The following TRIM11 variants were observed in gnomAD, a reference collection of about 807,000 sequenced individuals.
TRIM11 encodes tripartite motif containing 11, also known as E3 ubiquitin-protein ligase TRIM11.
A neutral mutation model predicts 33.4 loss-of-function variants in TRIM11; 15 were observed. The observed-to-expected ratio is 0.45, with a 90% CI of 0.30 to 0.69. The LOEUF is 0.69. Among genes scored for constraint, TRIM11 ranks in the 30% least tolerant of loss-of-function variants. TRIM11 has a pLI of 0.08. For synonymous variants in TRIM11, 281 were observed against 302.6 expected (o/e 0.93, Z 0.74); for missense variants, 499 against 667.6 (o/e 0.75, Z 2.78).
At chr1:228,396,536 T>G (rs991746865) in intron 5 of TRIM11, 1 of 613,716 alleles carries the variant, frequency 1.6e-6, no homozygotes, top group African/African-American at 1.8e-5. Flanking sequence ...TTCCATGGGC[T>G]GTGCTAGCGA....
At chr1:228,398,864 C>A (rs560120812) in intron 3 of TRIM11, among the ~76,000 whole-genome samples, 5 of 152,178 alleles carry the variant, frequency 3.3e-5, no homozygotes, top group African/African-American at 9.6e-5. Flanking sequence ...AGGCCGGGTG[C>A]AGGGGCGGCA....
chr1:228,395,121 C>T lies in TRIM11; in HGVS notation c.991G>A (p.Val331Met), dbSNP rs1405802627. 4.4e-6 allele frequency: 7 copies of T among 1,585,008 alleles called. No individual in the cohort carries two copies. The highest frequency in any genetic ancestry group is 2.2e-5 in the East Asian group (1 of 44,592). Reference protein sequence around the residue: ...SPERFDPGPCVLGQERFTSGR... With the variant: ...SPERFDPGPCMLGQERFTSGR... ...GAGGTGAAGCGCTCCTGGCCCAGCA[C>T]GCAGGGGCCGGGGTCAAAGCGCTCT... Residue 331 changes from valine (V) to methionine (M), a missense_variant, in exon 6 of 6, where the codon GTG becomes ATG. Val to Met is a conservative substitution (Grantham distance 21, BLOSUM62 1). Transcript: ENST00000284551. This position sits in a 1 kb window ranked among gnomAD's most constrained non-coding sequence, Gnocchi z 4.8.
In TRIM11 at chr1:228,393,805, C is replaced by G. The variant is rs1268974152; in HGVS notation, c.*900G>C. 6.6e-6 allele frequency: 1 copy of G among 152,274 alleles called. No individual in the cohort carries two copies. Among genetic ancestry groups the G allele is most frequent in the Non-Finnish European group, 1.5e-5 (1 of 68,078 alleles). 9.4% of individuals were successfully genotyped at this position (152,274 alleles called of 1,614,324 possible). ...AACCCAACACAAAAATCAACTCCTGCCTTCTTCTGTATGCCCCAGGCTCTG... is the reference window on the plus strand; with the variant it reads ...AACCCAACACAAAAATCAACTCCTGGCTTCTTCTGTATGCCCCAGGCTCTG... On this transcript the variant is annotated 3_prime_UTR_variant, in exon 6 of 6. Transcript: ENST00000284551.
intron 3 of TRIM11, among the ~76,000 whole-genome samples, chr1:228,398,985 C>T (rs1260498340): frequency 6.6e-6 from 1 of 152,040 alleles, no homozygotes; most frequent in Non-Finnish European, 1.5e-5. Context: ...AACCACTCTG[C>T]GGCTACAAGC....
Position 228,395,173 on chromosome 1 carries a change from G to A in TRIM11, c.939C>T (p.Asp313=), listed in dbSNP as rs772673498. The change falls in exon 6 of 6, where the codon GAC becomes GAT. Residue 313 remains aspartate, a synonymous_variant. Transcript: ENST00000284551. The surrounding 1 kb of genome is among the most constrained non-coding windows in gnomAD (Gnocchi z 4.8). ...GGCTGTCCGGCAGGGCCTGCCGTAG[G>A]TCCCCCCGCTGCACGCTCCGCCTGT... The part of the protein sequence containing the change: ...SEDRRSVQRG[D]LRQALPDSPE... 1 of 1,521,780 alleles carries A rather than the reference G, an allele frequency of 6.6e-7. No individual in the cohort carries two copies. Among genetic ancestry groups the A allele is most frequent in the Non-Finnish European group, 8.8e-7 (1 of 1,141,422 alleles). The allele number at this position is 1,521,780 out of a possible 1,614,324, so 94.3% of individuals were successfully genotyped here. A position where few individuals can be genotyped will look rare whatever the true frequency, so the allele number is the denominator to read the frequency against.
Position 228,400,819 on chromosome 1 carries a change from C to T in TRIM11, c.735+145G>A. On this transcript the variant is annotated intron_variant, in intron 3 of 5. Transcript: ENST00000284551. This position sits in a 1 kb window ranked among gnomAD's most constrained non-coding sequence, Gnocchi z 4.5. The stretch of plus-strand genomic sequence containing the variant: ...TGCTGACTCAGCATTTCACAGGCAA[C>T]AGCCAGGCACATCCAGCCATGCCAT... The T allele has an allele frequency of 1.4e-6, 2 of 1,401,116 alleles. No homozygotes were observed. The highest frequency in any genetic ancestry group is 1.5e-5 in the South Asian group (1 of 64,994). The allele number at this position is 1,401,116 out of a possible 1,614,324, so 86.8% of individuals were successfully genotyped here.
At chr1:228,398,019 C>G (rs2075001557) in intron 3 of TRIM11, among the ~76,000 whole-genome samples, 2 of 152,166 alleles carry the variant, frequency 1.3e-5, no homozygotes, top group Admixed American at 1.3e-4. Context: ...GGGAAGCCTC[C>G]TGGCAGGTGG....
intron 1 of TRIM11, chr1:228,402,715 T>G (rs185362366): frequency 6.6e-6 from 1 of 152,562 alleles, no homozygotes; most frequent in East Asian, 1.9e-4. Context: ...AGGAGGGCAG[T>G]GCCGCCACAA....
intron 3 of TRIM11, among the ~76,000 whole-genome samples, chr1:228,399,139 C>T (rs2075010009): frequency 6.6e-6 from 1 of 152,088 alleles, no homozygotes. Context: ...GTCCATTCGG[C>T]CTGGGTGCTG....
In TRIM11 at chr1:228,394,926, G is replaced by C. The variant is rs1384264896; in HGVS notation, c.1186C>G (p.Pro396Ala). 6.8e-6 allele frequency: 11 copies of C among 1,614,020 alleles called. No individual in the cohort carries two copies. The highest frequency in any genetic ancestry group is 9.3e-6 in the Non-Finnish European group (11 of 1,180,024). Residue 396 changes from proline (P) to alanine (A), a missense_variant, in exon 6 of 6, where the codon CCA (proline) becomes GCA (alanine). Coordinates refer to ENST00000284551, the MANE Select transcript of TRIM11 (RefSeq NM_145214.3). The surrounding 1 kb of genome is among the most constrained non-coding windows in gnomAD (Gnocchi z 6.2). ...YYNSSERALA[P>A]LRDPPRRVGI... The stretch of plus-strand genomic sequence containing the variant: ...ACGCGCCTGGGTGGGTCCCGGAGTG[G>C]AGCCAAGGCCCGTTCCGAGGAATTG...
intron 5 of TRIM11, chr1:228,396,609 T>C (rs1263069578): frequency 1.5e-6 from 1 of 677,784 alleles, no homozygotes; most frequent in Non-Finnish European, 2.8e-6. Context: ...AAGTTGTGAC[T>C]GGCATCTGAA....
intron 3 of TRIM11, chr1:228,397,806 G>A (rs891088734): frequency 6.6e-6 from 1 of 152,264 alleles, no homozygotes; most frequent in Non-Finnish European, 1.5e-5. Flanking sequence ...AGTAAAATGA[G>A]GCCATTAGGG....
In TRIM11 at chr1:228,406,082, C is replaced by T; in HGVS notation, c.408+72G>A. On this transcript the variant is annotated intron_variant, in intron 1 of 5. Transcript: ENST00000284551. This position sits in a 1 kb window ranked among gnomAD's most constrained non-coding sequence, Gnocchi z 8.2. ...TTACTCCCGGAGCAGTCCCCCAAAC[C>T]TCCCACCCGCCCAGGCCTCCCCAGT... 7.9e-7 allele frequency: 1 copy of T among 1,269,986 alleles called. No individual in the cohort carries two copies. The highest frequency in any genetic ancestry group is 1.0e-6 in the Non-Finnish European group (1 of 989,580). The allele number at this position is 1,269,986 out of a possible 1,614,324, so 78.7% of individuals were successfully genotyped here. A position where few individuals can be genotyped will look rare whatever the true frequency, so the allele number is the denominator to read the frequency against.
Position 228,401,583 on chromosome 1 carries a change from C to G in TRIM11, c.505-389G>C, listed in dbSNP as rs893429920. Reference sequence around the variant, plus strand: ...CCCTGCATCTACCACCTGGGGCCAGCTGGACTACAAATCTACCACCCAGGG... The same window carrying G: ...CCCTGCATCTACCACCTGGGGCCAGGTGGACTACAAATCTACCACCCAGGG... On this transcript the variant is annotated intron_variant, in intron 2 of 5. Coordinates refer to ENST00000284551, the MANE Select transcript of TRIM11 (RefSeq NM_145214.3). The surrounding 1 kb of genome is among the most constrained non-coding windows in gnomAD (Gnocchi z 6.1). Among the ~76,000 whole-genome samples the G allele has an allele frequency of 2.3e-4, 35 of 152,068 alleles. No individual in the cohort carries two copies. The highest frequency in any genetic ancestry group is 4.4e-4 in the Non-Finnish European group (30 of 67,994).
In TRIM11 at chr1:228,401,006, C is replaced by G; in HGVS notation, c.693G>C (p.Glu231Asp). Residue 231 changes from glutamate (E) to aspartate (D), a missense_variant, in exon 3 of 6, where the codon GAG (glutamate) becomes GAC (aspartate). Physicochemically the swap from Glu to Asp is conservative, Grantham distance 45. Transcript: ENST00000284551. This position sits in a 1 kb window ranked among gnomAD's most constrained non-coding sequence, Gnocchi z 6.1. ...QSAHLAELIA[E>D]LEGRCQLPAL... is the part of the protein sequence containing the mutation. The stretch of plus-strand genomic sequence containing the variant: ...CAGGCAGCTGGCAGCGGCCCTCGAG[C>G]TCGGCGATGAGCTCAGCTAGGTGGG... The G allele has an allele frequency of 6.2e-7, 1 of 1,602,186 alleles. No individual in the cohort carries two copies. The highest frequency in any genetic ancestry group is 8.5e-7 in the Non-Finnish European group (1 of 1,173,296).
chr1:228,399,578 A>T (rs1034241695), intron 3 of TRIM11, among the ~76,000 whole-genome samples: 3 of 151,336 alleles, frequency 2.0e-5, no homozygotes, highest in Non-Finnish European at 4.4e-5. Context: ...CTTCTCCAAC[A>T]CCTGTCCTCT....
In TRIM11 at chr1:228,395,143, C is replaced by T. The variant is rs2074971541; in HGVS notation, c.969G>A (p.Glu323=). Residue 323 remains glutamate, a synonymous_variant, in exon 6 of 6, where the codon GAG becomes GAA. Coordinates refer to ENST00000284551, the MANE Select transcript of TRIM11 (RefSeq NM_145214.3). This position sits in a 1 kb window ranked among gnomAD's most constrained non-coding sequence, Gnocchi z 4.8. ...GCACGCAGGGGCCGGGGTCAAAGCG[C>T]TCTGGGCTGTCCGGCAGGGCCTGCC... is the stretch of plus-strand genomic sequence containing the variant. ...DLRQALPDSP[E]RFDPGPCVLG... The T allele has an allele frequency of 1.9e-6, 3 of 1,552,860 alleles. No individual in the cohort carries two copies. Among genetic ancestry groups the T allele is most frequent in the Admixed American group, 3.8e-5 (2 of 52,592 alleles).
rs1343505360 is a variant in TRIM11 at position 228,401,556 on chromosome 1, A to T, written c.505-362T>A. Among the ~76,000 whole-genome samples the T allele has an allele frequency of 6.6e-6, 1 of 152,018 alleles. No individual in the cohort carries two copies. Among genetic ancestry groups the T allele is most frequent in the African/African-American group, 2.4e-5 (1 of 41,344 alleles). On this transcript the variant is annotated intron_variant, in intron 2 of 5. Coordinates refer to ENST00000284551, the MANE Select transcript of TRIM11 (RefSeq NM_145214.3). The surrounding 1 kb of genome is among the most constrained non-coding windows in gnomAD (Gnocchi z 6.1). ...CCAAATCCACCCATTGGCTTGGTAG[A>T]ACCCTGCATCTACCACCTGGGGCCA...
At position 228,403,890 on chromosome 1, in the gene TRIM11, G is replaced by C. The variant is rs1292336370; in HGVS notation, c.409-1729C>G. ...GGGTGGTCTCAAACTCCTGACCTCAGGTGATCCGCCCACCTCGGCCTCCCA... is the reference window on the plus strand; with the variant it reads ...GGGTGGTCTCAAACTCCTGACCTCACGTGATCCGCCCACCTCGGCCTCCCA... On this transcript the variant is annotated intron_variant, in intron 1 of 5. Coordinates refer to ENST00000284551, the MANE Select transcript of TRIM11 (RefSeq NM_145214.3). This position sits in a 1 kb window ranked among gnomAD's most constrained non-coding sequence, Gnocchi z 4.8. 1.3e-5 allele frequency: 2 copies of C among 152,212 alleles called. No homozygotes were observed. The highest frequency in any genetic ancestry group is 2.9e-5 in the Non-Finnish European group (2 of 68,072). The allele number at this position is 152,212 out of a possible 1,614,324, so 9.4% of individuals were successfully genotyped here.
Sources: allele counts gnomAD v4.1 joint callset (sites outside exome capture counted in the v4.1 genomes callset), GRCh38; gene constraint gnomAD v4.1.1; non-coding constraint Gnocchi (gnomAD v3.1); transcripts MANE v1.5; gene names NCBI Gene and HGNC (gene_info 2026-07-23, HGNC 2026-07-21).